Variants in GLCE observed in about 807,000 individuals in gnomAD.
GLCE encodes the protein D-glucuronyl C5-epimerase.
In GLCE, 19 loss-of-function variants were observed where a neutral mutation model predicts 47.9. That is an observed-to-expected ratio of 0.40 (90% CI 0.28 to 0.58). The LOEUF (loss-of-function observed/expected upper bound fraction) is 0.58. Among genes scored for constraint, GLCE ranks in the 20% least tolerant of loss-of-function variants. The pLI is 0.48. For synonymous variants in GLCE, 245 were observed against 263.4 expected (o/e 0.93, Z 0.68); for missense variants, 556 against 743.3 (o/e 0.75, Z 2.93).
chr15:69,253,935 T>TA (rs2052884942), intron 2 of GLCE, among the ~76,000 whole-genome samples: 1 of 152,190 alleles, frequency 6.6e-6, no homozygotes, highest in African/African-American at 2.4e-5. Flanking sequence ...GCCAAACTAT[T>TA]AATCAAGGGT....
intron 2 of GLCE, among the ~76,000 whole-genome samples, chr15:69,233,126 G>C (rs184494953): frequency 1.5e-4 from 23 of 152,266 alleles, no homozygotes; most frequent in Non-Finnish European, 2.9e-4. Context: ...GGGCATACTG[G>C]CTTAAAATTT....
intron 1 of GLCE, among the ~76,000 whole-genome samples, chr15:69,168,854 A>C (rs1374216312): frequency 6.6e-6 from 1 of 152,146 alleles, no homozygotes; most frequent in Non-Finnish European, 1.5e-5. Flanking sequence ...TTTTTAAAAA[A>C]TTTGATAGGA....
intron 1 of GLCE, among the ~76,000 whole-genome samples, chr15:69,182,872 G>C (rs549066833): frequency 1.3e-5 from 2 of 151,974 alleles, no homozygotes; most frequent in South Asian, 4.1e-4. Flanking sequence ...AAAATTAGTC[G>C]GGTGTGGTGG....
intron 1 of GLCE, among the ~76,000 whole-genome samples, chr15:69,202,392 T>C (rs1340210023): frequency 6.6e-6 from 1 of 152,174 alleles, no homozygotes; most frequent in African/African-American, 2.4e-5. Context: ...TTTAAAATAA[T>C]GGAAGAGATT....
intron 2 of GLCE, among the ~76,000 whole-genome samples, chr15:69,241,130 A>T (rs148256203): frequency 7.9e-5 from 12 of 152,304 alleles, no homozygotes; most frequent in Non-Finnish European, 1.5e-4. Context: ...AAGAAAACAT[A>T]CAAGTTGTTC....
chr15:69,239,336 C>A (rs1001282829), intron 2 of GLCE, among the ~76,000 whole-genome samples: 11 of 152,096 alleles, frequency 7.2e-5, no homozygotes, highest in African/African-American at 2.7e-4. Context: ...TTTCTTAGGG[C>A]ATAAGGTGAT....
intron 2 of GLCE, among the ~76,000 whole-genome samples, chr15:69,229,353 A>T (rs2052489451): frequency 6.6e-6 from 1 of 152,224 alleles, no homozygotes; most frequent in Admixed American, 6.5e-5. Flanking sequence ...GTGAGCCCAC[A>T]ATGTTTCCAG....
Position 69,220,012 on chromosome 15 carries a change from G to A in GLCE, c.-14+9606G>A, listed in dbSNP as rs114234156. Among the ~76,000 whole-genome samples the A allele has an allele frequency of 6.2e-3, 950 of 152,186 alleles. 10 individuals are homozygous for A. Among genetic ancestry groups the A allele is most frequent in the African/African-American group, 0.022 (917 of 41,536 alleles). On this transcript the variant is annotated intron_variant, in intron 2 of 4. Transcript: ENST00000261858. ...ACCAGTTTATTTCACTTAGTATAAT[G>A]TCCTCAAGGTTCATCTATGTTGTAA...
chr15:69,217,825 C>T (rs1416390739), intron 2 of GLCE, among the ~76,000 whole-genome samples: 3 of 152,170 alleles, frequency 2.0e-5, no homozygotes, highest in African/African-American at 4.8e-5. Flanking sequence ...ACAAAGGAGG[C>T]GTGATTACAC....
intron 1 of GLCE, chr15:69,196,667 C>A: frequency 6.2e-6 from 1 of 160,364 alleles, no homozygotes; most frequent in South Asian, 1.7e-4. Context: ...CGAAGCTGAT[C>A]CTCTTACAAC....
intron 2 of GLCE, among the ~76,000 whole-genome samples, chr15:69,254,185 T>C (rs2052888487): frequency 6.6e-6 from 1 of 152,190 alleles, no homozygotes; most frequent in South Asian, 2.1e-4. Context: ...ACAGAGCTCC[T>C]GTGGCAAACG....
chr15:69,182,508 G>C (rs768628197), intron 1 of GLCE, among the ~76,000 whole-genome samples: 1 of 152,106 alleles, frequency 6.6e-6, no homozygotes, highest in Non-Finnish European at 1.5e-5. Context: ...TCAGAAGGAA[G>C]ACAAGTAGTT....
intron 1 of GLCE, among the ~76,000 whole-genome samples, chr15:69,189,413 G>A (rs1367456852): frequency 6.6e-6 from 1 of 152,126 alleles, no homozygotes; most frequent in Non-Finnish European, 1.5e-5. Flanking sequence ...CCATTGTCTG[G>A]ATGTGCCACG....
intron 3 of GLCE, among the ~76,000 whole-genome samples, chr15:69,256,996 C>T (rs1355953443): frequency 2.0e-5 from 3 of 152,178 alleles, no homozygotes; most frequent in African/African-American, 7.2e-5. Context: ...TAAAGTATAT[C>T]ACTTAAACAG....
At chr15:69,162,347 C>A (rs1215924865) in intron 1 of GLCE, among the ~76,000 whole-genome samples, 3 of 151,868 alleles carry the variant, frequency 2.0e-5, no homozygotes, top group Non-Finnish European at 4.4e-5. Context: ...GGTGAGAAAG[C>A]CTATGTGTTT....
chr15:69,186,283 G>A (rs1240405446), intron 1 of GLCE, among the ~76,000 whole-genome samples: 1 of 152,044 alleles, frequency 6.6e-6, no homozygotes, highest in African/African-American at 2.4e-5. Flanking sequence ...TCCTGCTATA[G>A]AGCCGATAAA....
chr15:69,206,105 T>TA (rs1293241523), intron 1 of GLCE, among the ~76,000 whole-genome samples: 1 of 152,110 alleles, frequency 6.6e-6, no homozygotes, highest in Non-Finnish European at 1.5e-5. Context: ...AAATCTCCTA[T>TA]AGTCTATGAC....
At chr15:69,241,580 T>C (rs1338609569) in intron 2 of GLCE, among the ~76,000 whole-genome samples, 2 of 152,224 alleles carry the variant, frequency 1.3e-5, no homozygotes, top group Non-Finnish European at 2.9e-5. Context: ...CAGAATTGCC[T>C]AAGATAGTTC....
In GLCE at chr15:69,268,499, T is replaced by C; in HGVS notation, c.1109T>C (p.Val370Ala). The change falls in exon 5 of 5, where the codon GTC becomes GCC. Residue 370 changes from valine to alanine, a missense_variant. This residue lies in a region of GLCE where 245 missense variants were observed against 368.1 expected (regional missense o/e 0.67). Transcript: ENST00000261858. ...KGVGLSNTKA[V>A]KPTKIMPKKV... ...GTGGGTCTTTCAAACACAAAAGCTGTCAAGCCAACCAAAATAATGCCCAAG... is the reference window on the plus strand; with the variant it reads ...GTGGGTCTTTCAAACACAAAAGCTGCCAAGCCAACCAAAATAATGCCCAAG... 1 of 1,614,122 alleles carries C rather than the reference T, an allele frequency of 6.2e-7. No individual in the cohort carries two copies. Among genetic ancestry groups the C allele is most frequent in the Non-Finnish European group, 8.5e-7 (1 of 1,180,032 alleles).
Sources: gnomAD v4.1 joint callset for allele counts (sites outside exome capture counted in the v4.1 genomes callset) on GRCh38, gnomAD v4.1.1 for gene constraint, gnomAD v4.1.1 regional missense constraint, MANE v1.5 for transcripts, NCBI Gene and HGNC (gene_info 2026-07-23, HGNC 2026-07-21) for gene names.